The following ANK2 variants were observed in gnomAD, a reference collection of about 807,000 sequenced individuals.
ANK2 encodes ankyrin 2, also known as ankyrin-2.
A neutral mutation model predicts 360.5 loss-of-function variants in ANK2; 83 were observed. That is an observed-to-expected ratio of 0.23 (90% CI 0.19 to 0.28). The LOEUF is 0.28. ANK2 is among the 10% of genes least tolerant of loss of function. The pLI, the probability that ANK2 is intolerant of heterozygous loss-of-function variation, is 1.00. For missense variants in ANK2, 4,201 were observed against 4,795.7 expected (o/e 0.88, Z 3.66); for synonymous variants, 1,740 against 1,759.5 (o/e 0.99, Z 0.28).
intron 2 of ANK2, among the ~76,000 whole-genome samples, chr4:112,994,767 T>C (rs6851602): frequency 0.8 from 122,423 of 152,086 alleles, 49,436 homozygotes; most frequent in East Asian, 0.9. Context: ...TTCTTTCCTC[T>C]GCCCCAGTAG....
chr4:112,834,874 T>C (rs1009564114), intron 1 of ANK2, among the ~76,000 whole-genome samples: 1 of 152,214 alleles, frequency 6.6e-6, no homozygotes, highest in Non-Finnish European at 1.5e-5. Flanking sequence ...GGCTCATCTA[T>C]TCTGTAGAAG....
intron 1 of ANK2, among the ~76,000 whole-genome samples, chr4:112,845,205 A>T (rs539896539): frequency 4.6e-5 from 7 of 152,320 alleles, no homozygotes; most frequent in East Asian, 3.9e-4. Context: ...AAGTAAAAGA[A>T]TGTGGAGTAA....
In ANK2 at chr4:113,286,943, G is replaced by T. The variant is rs192208710; in HGVS notation, c.2080-662G>T. On this transcript the variant is annotated intron_variant, in intron 18 of 45. Transcript: ENST00000357077. Reference sequence around the variant, plus strand: ...CCACTTTCCCCCATCTTTTCTCCATGCCTTTCTTTTTTTATTATTAATTCA... The same window carrying T: ...CCACTTTCCCCCATCTTTTCTCCATTCCTTTCTTTTTTTATTATTAATTCA... Among the ~76,000 whole-genome samples the T allele has an allele frequency of 4.6e-5, 7 of 152,204 alleles. No homozygotes were observed. The East Asian group carries it at 1.3e-3, about 29-fold the overall frequency.
chr4:113,358,711 G>A lies in ANK2; in HGVS notation c.10093G>A (p.Asp3365Asn). ...QRVEQQLSDLDTSVQKTVAPQ... is the reference protein window; with the variant it reads ...QRVEQQLSDLNTSVQKTVAPQ... ...AGTTGAACAGCAGCTCTCAGATCTA[G>A]ACACCTCTGTCCAGAAGACAGTGGC... Residue 3365 changes from aspartate to asparagine, a missense_variant, in exon 38 of 46, where the codon GAC becomes AAC. Asp to Asn is a conservative substitution (Grantham distance 23). Coordinates refer to ENST00000357077, the MANE Select transcript of ANK2 (RefSeq NM_001148.6). 2 of 1,614,078 alleles carry A rather than the reference G, an allele frequency of 1.2e-6. No homozygotes were observed. The highest frequency in any genetic ancestry group is 1.7e-6 in the Non-Finnish European group (2 of 1,179,970).
At chr4:112,998,204 T>A (rs573884459) in intron 2 of ANK2, among the ~76,000 whole-genome samples, 31 of 152,174 alleles carry the variant, frequency 2.0e-4, no homozygotes, top group African/African-American at 7.2e-4. Flanking sequence ...AAGGTACATT[T>A]GCCTGTTTTG....
At chr4:112,895,194 A>C (rs17045102) in intron 1 of ANK2, among the ~76,000 whole-genome samples, 7,014 of 152,232 alleles carry the variant, frequency 0.046, 525 homozygotes, top group East Asian at 0.32. Context: ...GCATTGAACC[A>C]CTTAGAGTTG....
At chr4:112,787,839 C>T in the ANK2 span, among the ~76,000 whole-genome samples, 1 of 152,116 alleles carries the variant, frequency 6.6e-6, no homozygotes, top group Non-Finnish European at 1.5e-5. Flanking sequence ...CCTTTTTGAC[C>T]ATAGAGTGTT....
At chr4:112,961,388 C>G (rs915151165) in intron 2 of ANK2, among the ~76,000 whole-genome samples, 3 of 151,968 alleles carry the variant, frequency 2.0e-5, no homozygotes, top group African/African-American at 7.2e-5. Context: ...GAAATAACTA[C>G]TAAAGAGAAC....
chr4:112,743,554 C>CTTT, the ANK2 span, among the ~76,000 whole-genome samples: 50 of 105,872 alleles, frequency 4.7e-4, 1 homozygote, highest in East Asian at 1.4e-3. Flanking sequence ...CTTTTCTATC[C>CTTT]TTTTTTTTTT....
At chr4:113,145,739 G>A in intron 1 of ANK2, 1 of 1,170,596 alleles carries the variant, frequency 8.5e-7, no homozygotes. Flanking sequence ...TGAGGGGCGT[G>A]GAAGGGAACT....
intron 2 of ANK2, among the ~76,000 whole-genome samples, chr4:113,010,756 G>A (rs1328349320): frequency 6.6e-6 from 1 of 152,076 alleles, no homozygotes; most frequent in African/African-American, 2.4e-5. Context: ...AATGCCAGGT[G>A]TACACAGTTT....
At chr4:112,960,360 T>A (rs530843510) in intron 2 of ANK2, among the ~76,000 whole-genome samples, 91 of 152,008 alleles carry the variant, frequency 6.0e-4, no homozygotes, top group African/African-American at 2.1e-3. Flanking sequence ...TTTTTTTTTT[T>A]AAATCTTGTG....
chr4:113,077,590 A>G (rs2080634188), intron 1 of ANK2, among the ~76,000 whole-genome samples: 1 of 152,218 alleles, frequency 6.6e-6, no homozygotes, highest in Non-Finnish European at 1.5e-5. Context: ...TAACTACAGA[A>G]AGAAGTTAGA....
At chr4:112,967,473 G>T (rs145649130) in intron 2 of ANK2, among the ~76,000 whole-genome samples, 142 of 152,190 alleles carry the variant, frequency 9.3e-4, no homozygotes, top group Middle Eastern at 3.4e-3. Flanking sequence ...TTTTTCCATT[G>T]TTCGATAATC....
At chr4:113,279,916 C>A (rs1337847986) in intron 17 of ANK2, among the ~76,000 whole-genome samples, 2 of 151,958 alleles carry the variant, frequency 1.3e-5, no homozygotes, top group Admixed American at 6.6e-5. Flanking sequence ...TTTCTTTACA[C>A]TAGATTATAA....
intron 11 of ANK2, among the ~76,000 whole-genome samples, chr4:113,256,653 A>G (rs538556800): frequency 2.0e-5 from 3 of 152,226 alleles, no homozygotes; most frequent in Non-Finnish European, 4.4e-5. Context: ...CTTGTGTCCT[A>G]ATTCCCAAAC....
intron 18 of ANK2, among the ~76,000 whole-genome samples, chr4:113,285,327 G>C (rs561523667): frequency 6.6e-6 from 1 of 152,190 alleles, no homozygotes; most frequent in East Asian, 1.9e-4. Flanking sequence ...TGGAGAGAGT[G>C]TTAGATCCCT....
At chr4:113,304,355 T>TA (rs1469859073) in intron 23 of ANK2, among the ~76,000 whole-genome samples, 13 of 152,220 alleles carry the variant, frequency 8.5e-5, no homozygotes, top group Non-Finnish European at 1.8e-4. Flanking sequence ...ACAACTTGTT[T>TA]AAATCTGTGT....
intron 42 of ANK2, among the ~76,000 whole-genome samples, chr4:113,368,721 T>C (rs1411943891): frequency 6.6e-6 from 1 of 152,144 alleles, no homozygotes; most frequent in African/African-American, 2.4e-5. Flanking sequence ...GAGAAGAGGA[T>C]GAAATGAGTA....
Sources: gnomAD v4.1 joint callset for allele counts (sites outside exome capture counted in the v4.1 genomes callset) on GRCh38, gnomAD v4.1.1 for gene constraint, MANE v1.5 for transcripts, NCBI Gene and HGNC (gene_info 2026-07-23, HGNC 2026-07-21) for gene names.